PTPRD: variants seen among roughly 807,000 people sequenced by gnomAD.
PTPRD encodes protein tyrosine phosphatase receptor type D, also known as receptor-type tyrosine-protein phosphatase delta.
Under a neutral mutation model 214.5 loss-of-function variants are expected in PTPRD, and 34 were observed. The ratio of observed to expected loss-of-function variants is 0.16; its 90% CI spans 0.12 to 0.21. PTPRD has a LOEUF of 0.21. PTPRD is among the 10% of genes least tolerant of loss of function. The pLI is 1.00. For synonymous variants in PTPRD, 1,128 were observed against 845.7 expected, an observed-to-expected ratio of 1.33 and a Z score of -5.79; for missense variants, 2,545 against 2,398.7, an observed-to-expected ratio of 1.06 and a Z score of -1.27.
chr9:10,207,639 A>T (rs1258712750), intron 3 of PTPRD, among the ~76,000 whole-genome samples: 1 of 151,954 alleles, frequency 6.6e-6, no homozygotes, highest in Admixed American at 6.5e-5. Flanking sequence ...GTAGTTTTTT[A>T]AATATTCTAT....
intron 4 of PTPRD, among the ~76,000 whole-genome samples, chr9:9,983,583 A>G (rs2095613474): frequency 6.6e-6 from 1 of 152,218 alleles, no homozygotes; most frequent in Admixed American, 6.5e-5. Flanking sequence ...TTCTTTAAAT[A>G]TGTTTCACAT....
intron 5 of PTPRD, among the ~76,000 whole-genome samples, chr9:9,858,920 C>G (rs1386713075): frequency 6.6e-6 from 1 of 152,176 alleles, no homozygotes; most frequent in African/African-American, 2.4e-5. Context: ...TGCCCAAGAA[C>G]AGGCATCACC....
At chr9:9,682,679 C>G (rs2097096861) in intron 7 of PTPRD, among the ~76,000 whole-genome samples, 1 of 151,712 alleles carries the variant, frequency 6.6e-6, no homozygotes, top group East Asian at 1.9e-4. Context: ...TACACCAGGA[C>G]ATGCTCAGCA....
intron 5 of PTPRD, among the ~76,000 whole-genome samples, chr9:9,856,213 C>G (rs1433637193): frequency 1.3e-5 from 2 of 152,072 alleles, no homozygotes; most frequent in Non-Finnish European, 2.9e-5. Context: ...CAGCTGTAGT[C>G]CCTGACATCC....
chr9:10,514,157 T>C (rs1354548140), intron 2 of PTPRD, among the ~76,000 whole-genome samples: 1 of 152,132 alleles, frequency 6.6e-6, no homozygotes, highest in African/African-American at 2.4e-5. Context: ...ATTTATAAAA[T>C]GAATAATCAA....
intron 10 of PTPRD, among the ~76,000 whole-genome samples, chr9:9,135,066 T>C (rs887010771): frequency 2.0e-5 from 3 of 152,214 alleles, no homozygotes; most frequent in Non-Finnish European, 4.4e-5. Flanking sequence ...TGAGATCACA[T>C]GTCTATGTTA....
intron 34 of PTPRD, among the ~76,000 whole-genome samples, chr9:8,447,151 A>G (rs760417584): frequency 8.5e-5 from 13 of 152,232 alleles, no homozygotes; most frequent in Admixed American, 2.0e-4. Flanking sequence ...CTGAGTGAAC[A>G]GATGTGCTAG....
rs559323541 is a variant in PTPRD, at chr9:8,888,519, C to T, written c.-104+130178G>A. On this transcript the variant is annotated intron_variant, in intron 11 of 45. Coordinates refer to ENST00000381196, the MANE Select transcript of PTPRD (RefSeq NM_002839.4). The stretch of plus-strand genomic sequence containing the variant: ...ACAAAGAAAACAAAAAGATGACAAA[C>T]ATTGTCTCCCTCGTGTGAAACCAAA... Among the ~76,000 whole-genome samples the T allele has an allele frequency of 3.3e-5, 5 of 152,314 alleles. No individual in the cohort carries two copies. The South Asian group carries it at 6.2e-4, about 19-fold the overall frequency.
chr9:8,781,475 A>C (rs886092151), intron 11 of PTPRD, among the ~76,000 whole-genome samples: 4 of 152,212 alleles, frequency 2.6e-5, no homozygotes, highest in Non-Finnish European at 4.4e-5. Flanking sequence ...ATGTCAAAAG[A>C]TTTACTGAAA....
chr9:8,960,711 A>G (rs1482846305), intron 11 of PTPRD, among the ~76,000 whole-genome samples: 3 of 152,138 alleles, frequency 2.0e-5, no homozygotes, highest in Non-Finnish European at 4.4e-5. Context: ...CCAGAGACCT[A>G]CTTTCTAGCT....
intron 10 of PTPRD, among the ~76,000 whole-genome samples, chr9:9,070,743 T>G (rs1000993432): frequency 2.0e-5 from 3 of 152,224 alleles, no homozygotes; most frequent in Non-Finnish European, 4.4e-5. Flanking sequence ...TATGGAAATC[T>G]TAATAATTTT....
chr9:8,318,570 A>G (rs1021737034), intron 45 of PTPRD, among the ~76,000 whole-genome samples: 4 of 152,062 alleles, frequency 2.6e-5, no homozygotes, highest in African/African-American at 9.7e-5. Flanking sequence ...GGTGCGGCAC[A>G]CCAGGCACAC....
At chr9:9,313,750 G>A (rs905108424) in intron 9 of PTPRD, among the ~76,000 whole-genome samples, 1 of 152,144 alleles carries the variant, frequency 6.6e-6, no homozygotes, top group African/African-American at 2.4e-5. Flanking sequence ...CAATGCCTCA[G>A]TCCACAGGCA....
At chr9:9,938,057 CTGGAA>C (rs2090189217) in intron 5 of PTPRD, among the ~76,000 whole-genome samples, 1 of 152,074 alleles carries the variant, frequency 6.6e-6, no homozygotes, top group South Asian at 2.1e-4. Flanking sequence ...TTGCCTAACT[CTGGAA>C]ATGACAAAAC....
At chr9:9,157,699 C>T (rs2099882442) in intron 10 of PTPRD, among the ~76,000 whole-genome samples, 1 of 152,112 alleles carries the variant, frequency 6.6e-6, no homozygotes, top group Admixed American at 6.6e-5. Context: ...TATTTTCTTC[C>T]CTTTTCTTTT....
intron 11 of PTPRD, among the ~76,000 whole-genome samples, chr9:8,982,035 A>G (rs1050782878): frequency 6.6e-6 from 1 of 152,064 alleles, no homozygotes; most frequent in African/African-American, 2.4e-5. Context: ...GAAAATTTGT[A>G]ACTTAATAGG....
intron 3 of PTPRD, among the ~76,000 whole-genome samples, chr9:10,314,271 C>T (rs201455777): frequency 0.21 from 31,480 of 151,618 alleles, 3,287 homozygotes; most frequent in South Asian, 0.3. Context: ...GAGAAAAAGC[C>T]TCCAACCAGG....
intron 5 of PTPRD, among the ~76,000 whole-genome samples, chr9:9,791,683 G>C (rs1172059537): frequency 2.6e-5 from 4 of 151,982 alleles, no homozygotes; most frequent in African/African-American, 9.7e-5. Context: ...TTTTGTTTTG[G>C]TCAAGCTATC....
intron 11 of PTPRD, among the ~76,000 whole-genome samples, chr9:8,760,166 G>A (rs1313556621): frequency 6.6e-6 from 1 of 152,122 alleles, no homozygotes; most frequent in East Asian, 1.9e-4. Flanking sequence ...CCTGACCTCA[G>A]GTGATCCACC....
Sources: allele counts gnomAD v4.1 joint callset (sites outside exome capture counted in the v4.1 genomes callset), GRCh38; gene constraint gnomAD v4.1.1; transcripts MANE v1.5; gene names NCBI Gene and HGNC (gene_info 2026-07-23, HGNC 2026-07-21).